ALS2CL: variants seen among roughly 807,000 people sequenced by gnomAD.
The protein encoded by ALS2CL is ALS2 C-terminal like.
A neutral mutation model predicts 127.9 loss-of-function variants in ALS2CL; 112 were observed. The ratio of observed to expected loss-of-function variants is 0.88; its 90% CI spans 0.75 to 1.02. The LOEUF (loss-of-function observed/expected upper bound fraction) is 1.02, where lower values mean the gene tolerates loss of function less well. ALS2CL is among the 50% of genes least tolerant of loss of function. The pLI is 0.00. For missense variants in ALS2CL, 1,174 were observed against 1,236.7 expected, an observed-to-expected ratio of 0.95 and a Z score of 0.76; for synonymous variants, 519 against 527.6, an observed-to-expected ratio of 0.98 and a Z score of 0.22.
At chr3:46,671,834 G>T in intron 24 of ALS2CL, 50 bp downstream of exon 24, 1 of 1,607,328 alleles carries the variant, frequency 6.2e-7, no homozygotes. Context: ...ATCGTGGTTG[G>T]GGGTGGGACC....
Position 46,685,555 on chromosome 3 carries a change from C to A in ALS2CL, c.756G>T (p.Leu252=). The change falls in exon 7 of 26, where the codon CTG becomes CTT. Residue 252 remains leucine (L), a synonymous_variant. Coordinates refer to ENST00000318962, the MANE Select transcript of ALS2CL (RefSeq NM_147129.5). The part of the protein sequence containing the change: ...TVAPLRAERV[L]LFDDALVLLQ... ...GCAGGACGAGGGCATCATCAAAGAGCAGCACACGCTCAGCCCGCAACGGTG... is the reference window on the plus strand; with the variant it reads ...GCAGGACGAGGGCATCATCAAAGAGAAGCACACGCTCAGCCCGCAACGGTG... 1 of 1,614,022 alleles carries A rather than the reference C, an allele frequency of 6.2e-7. No individual in the cohort carries two copies. The highest frequency in any genetic ancestry group is 8.5e-7 in the Non-Finnish European group (1 of 1,179,924).
At position 46,677,049 on chromosome 3, in the gene ALS2CL, T is replaced by C; in HGVS notation, c.1758-27A>G. Reference sequence around the variant, plus strand: ...TGCGATGGGGATGGAGGGTGGGTGATGGGGCAGAGAGAGATGGAGCTGAGG... The same window carrying C: ...TGCGATGGGGATGGAGGGTGGGTGACGGGGCAGAGAGAGATGGAGCTGAGG... On this transcript the variant is annotated intron_variant, in intron 16 of 25. Transcript: ENST00000318962. 4 of 1,578,124 alleles carry C rather than the reference T, an allele frequency of 2.5e-6. No individual in the cohort carries two copies. The South Asian group carries it at 4.8e-5, about 19-fold the overall frequency.
rs1699707743 is a variant in ALS2CL at position 46,685,660 on chromosome 3, G to GGACA, written c.667-20_667-17dup. On this transcript the variant is annotated splice_polypyrimidine_tract_variant and intron_variant, in intron 6 of 25. Coordinates refer to ENST00000318962, the MANE Select transcript of ALS2CL (RefSeq NM_147129.5). ...AGAGCACATCCTGGTGGGGCAAAGA[G>GGACA]GACAGTACAAGGCTTAGGCACCTCT... 1.2e-6 allele frequency: 2 copies of GGACA among 1,612,136 alleles called. No homozygotes were observed. The highest frequency in any genetic ancestry group is 1.7e-6 in the Non-Finnish European group (2 of 1,179,186).
At chr3:46,689,190 C>G in intron 2 of ALS2CL, 148 bp downstream of exon 2, 1 of 789,178 alleles carries the variant, frequency 1.3e-6, no homozygotes. Context: ...GATCGCACCA[C>G]CTGCATCAGA....
intron 16 of ALS2CL, chr3:46,677,520 A>G (rs4683309): frequency 0.7 from 348,416 of 494,384 alleles, 124,369 homozygotes; most frequent in African/African-American, 0.86. Flanking sequence ...ACTCACACCC[A>G]GGCTGGGGCC....
rs199774614 is a variant in ALS2CL at position 46,671,893 on chromosome 3, G to A, written c.2675C>T (p.Ser892Leu). The part of the protein sequence containing the change: ...DLLPLLIYVV[S>L]RARIQHLGAE... The stretch of plus-strand genomic sequence containing the variant: ...CTCCTGACTGCCTCACCGGGCGCGC[G>A]ACACCACGTAGATGAGAAGTGGCAG... The change falls in exon 24 of 26, where the codon TCG becomes TTG. Residue 892 changes from serine to leucine, a missense_variant. Ser to Leu is a moderately radical substitution (Grantham distance 145). Coordinates refer to ENST00000318962, the MANE Select transcript of ALS2CL (RefSeq NM_147129.5). 3.4e-4 allele frequency: 543 copies of A among 1,613,572 alleles called. 4 individuals are homozygous for A. Among genetic ancestry groups the A allele is most frequent in the Non-Finnish European group, 6.1e-5 (72 of 1,179,972 alleles).
In ALS2CL at chr3:46,671,929, A is replaced by G; in HGVS notation, c.2639T>C (p.Met880Thr). 6.2e-7 allele frequency: 1 copy of G among 1,613,910 alleles called. No individual in the cohort carries two copies. The highest frequency in any genetic ancestry group is 8.5e-7 in the Non-Finnish European group (1 of 1,180,004). ...RVLGREYKLP[M>T]DDLLPLLIYV... ...GATGAGAAGTGGCAGCAGGTCGTCC[A>G]TGGGCAGCTTGTACTCCCGGCCCAA... The change falls in exon 24 of 26, where the codon ATG becomes ACG. Residue 880 changes from methionine to threonine, a missense_variant. Met to Thr is a moderately conservative substitution (Grantham distance 81). Coordinates refer to ENST00000318962, the MANE Select transcript of ALS2CL (RefSeq NM_147129.5).
intron 1 of ALS2CL, among the ~76,000 whole-genome samples, chr3:46,692,305 G>A (rs1700206374): frequency 6.6e-6 from 1 of 152,134 alleles, no homozygotes. Flanking sequence ...GGCAGGAGGA[G>A]GAGGTGCTGA....
chr3:46,674,434 A>T lies in ALS2CL; in HGVS notation c.2429+132T>A, dbSNP rs539800449. 39 of 1,210,554 alleles carry T rather than the reference A, an allele frequency of 3.2e-5. No individual in the cohort carries two copies. In the African/African-American group the frequency reaches 4.9e-4, roughly 15 times the overall value. 75.0% of individuals were successfully genotyped at this position (1,210,554 alleles called of 1,614,324 possible). A position where few individuals can be genotyped will look rare whatever the true frequency, so the allele number is the denominator to read the frequency against. On this transcript the variant is annotated intron_variant, in intron 21 of 25. Coordinates refer to ENST00000318962, the MANE Select transcript of ALS2CL (RefSeq NM_147129.5). Reference sequence around the variant, plus strand: ...TTCAGTTGAACACCTAGATCCAGCCACACCTGAATGCATAAGCTTAGAACT... The same window carrying T: ...TTCAGTTGAACACCTAGATCCAGCCTCACCTGAATGCATAAGCTTAGAACT...
At chr3:46,672,286 C>G (rs891144100) in intron 22 of ALS2CL, 85 bp from the exon 23 acceptor site, 3 of 1,510,694 alleles carry the variant, frequency 2.0e-6, no homozygotes, top group African/African-American at 2.8e-5. Context: ...GCCTGAGTCC[C>G]CCGCCACCCT....
At chr3:46,692,347 C>T (rs1236640064) in intron 1 of ALS2CL, among the ~76,000 whole-genome samples, 5 of 151,922 alleles carry the variant, frequency 3.3e-5, no homozygotes, top group African/African-American at 1.2e-4. Flanking sequence ...TGCAGGAGTA[C>T]CCCCCTCCCC....
chr3:46,680,117 TAGGA>T, intron 14 of ALS2CL: 1 of 347,482 alleles, frequency 2.9e-6, no homozygotes, highest in Non-Finnish European at 5.5e-6. Flanking sequence ...GGTGTCAAGT[TAGGA>T]CTCTGTGAAT....
At chr3:46,687,942 A>T (rs1699907455) in intron 3 of ALS2CL, among the ~76,000 whole-genome samples, 156 bp downstream of exon 3, 1 of 152,210 alleles carries the variant, frequency 6.6e-6, no homozygotes, top group African/African-American at 2.4e-5. Flanking sequence ...ACCCAAGCCC[A>T]GGTGAGGCTG....
In ALS2CL at chr3:46,676,369, G is replaced by C; in HGVS notation, c.2062C>G (p.Leu688Val). ...LSNSLHPLGK[L>V]LRTLMLTFQA... Reference sequence around the variant, plus strand: ...AAGGTCAGCATCAGTGTCCGGAGCAGCTTTCCCAGGGGGTGCAGTGAGTTG... The same window carrying C: ...AAGGTCAGCATCAGTGTCCGGAGCACCTTTCCCAGGGGGTGCAGTGAGTTG... Residue 688 changes from leucine to valine, a missense_variant, in exon 19 of 26, where the codon CTG becomes GTG. Transcript: ENST00000318962. 2 of 1,613,980 alleles carry C rather than the reference G, an allele frequency of 1.2e-6. No individual in the cohort carries two copies. The highest frequency in any genetic ancestry group is 1.7e-6 in the Non-Finnish European group (2 of 1,179,998).
At position 46,687,644 on chromosome 3, in the gene ALS2CL, AG is replaced by A; in HGVS notation, c.342del (p.Phe115SerfsTer26). On this transcript the variant is annotated frameshift_variant, in exon 4 of 26. Transcript: ENST00000318962. LOFTEE classifies it high-confidence loss of function. ...ESYTSCMVVQ[A>X]FQKAAKRRSE... The stretch of plus-strand genomic sequence containing the variant: ...CTTCTCCTCTTTGCTGCCTTCTGGA[AG>A]GCCTGCACCACCATGCAGCTTGTGT... 1 of 1,613,358 alleles carries A rather than the reference AG, an allele frequency of 6.2e-7. No individual in the cohort carries two copies.
At chr3:46,691,530 G>T (rs1397354304) in intron 1 of ALS2CL, among the ~76,000 whole-genome samples, 1 of 151,926 alleles carries the variant, frequency 6.6e-6, no homozygotes. Flanking sequence ...CAGGCTTCCT[G>T]TCCCTCGTCC....
At chr3:46,678,121 A>T in intron 16 of ALS2CL, 138 bp downstream of exon 16, 2 of 967,142 alleles carry the variant, frequency 2.1e-6, no homozygotes, top group Non-Finnish European at 2.7e-6. Context: ...CTGGAGTTGT[A>T]CACCCTGGGC....
chr3:46,676,262 T>G lies in ALS2CL; in HGVS notation c.2169A>C (p.Glu723Asp). Reference sequence around the variant, plus strand: ...GAGCCCACCTGTAGGCAGCCCAGAGTTCCTGGGCATGCTGCTTCACCTCCT... The same window carrying G: ...GAGCCCACCTGTAGGCAGCCCAGAGGTCCTGGGCATGCTGCTTCACCTCCT... ...AQEEVKQHAQ[E>D]LWAAYRGLLR... Residue 723 changes from glutamate (E) to aspartate (D), a missense_variant, in exon 19 of 26, where the codon GAA becomes GAC. Coordinates refer to ENST00000318962, the MANE Select transcript of ALS2CL (RefSeq NM_147129.5). The G allele has an allele frequency of 6.2e-7, 1 of 1,612,684 alleles. No homozygotes were observed. Among genetic ancestry groups the G allele is most frequent in the Non-Finnish European group, 8.5e-7 (1 of 1,179,680 alleles).
At position 46,676,726 on chromosome 3, in the gene ALS2CL, C is replaced by T; in HGVS notation, c.1944G>A (p.Glu648=). ...TGTCTTCCATACTGCCCACACTGTC[C>T]TCAGGGTGGGTCCTGGGCACCACAC... ...DYLSCERTHP[E]DSVGSMEDIL... The change falls in exon 18 of 26, where the codon GAG becomes GAA. Residue 648 remains glutamate, a synonymous_variant. Coordinates refer to ENST00000318962, the MANE Select transcript of ALS2CL (RefSeq NM_147129.5). 1 of 1,613,738 alleles carries T rather than the reference C, an allele frequency of 6.2e-7. No individual in the cohort carries two copies. Among genetic ancestry groups the T allele is most frequent in the South Asian group, 1.1e-5 (1 of 91,084 alleles).
Sources: allele counts gnomAD v4.1 joint callset (sites outside exome capture counted in the v4.1 genomes callset), GRCh38; gene constraint gnomAD v4.1.1; transcripts MANE v1.5; gene names NCBI Gene and HGNC (gene_info 2026-07-23, HGNC 2026-07-21).